The following USP54 variants were observed in gnomAD, a reference collection of about 807,000 sequenced individuals.
USP54 encodes ubiquitin carboxyl-terminal hydrolase 54.
In USP54, 87 loss-of-function variants were observed where a neutral mutation model predicts 170.5. The observed-to-expected ratio is 0.51, with a 90% CI of 0.43 to 0.61. The LOEUF (loss-of-function observed/expected upper bound fraction) is 0.61, where lower values mean the gene tolerates loss of function less well. Among genes scored for constraint, USP54 ranks in the 20% least tolerant of loss-of-function variants. The pLI, the probability that USP54 is intolerant of heterozygous loss-of-function variation, is 0.00. For missense variants in USP54, 1,786 were observed against 2,047.8 expected (o/e 0.87, Z 2.47); for synonymous variants, 655 against 742.8 (o/e 0.88, Z 1.92).
chr10:73,529,065 C>A (rs1323510583), intron 15 of USP54: 1 of 152,356 alleles, frequency 6.6e-6, no homozygotes, highest in African/African-American at 2.4e-5. Flanking sequence ...ATACAGAAAT[C>A]TTCACAAATT....
intron 1 of USP54, among the ~76,000 whole-genome samples, chr10:73,576,595 A>C (rs2076145476): frequency 1.3e-5 from 2 of 152,184 alleles, no homozygotes. Flanking sequence ...ATTCTCTGAA[A>C]TTTTCTTGAA....
intron 1 of USP54, among the ~76,000 whole-genome samples, chr10:73,603,698 A>C (rs2079384452): frequency 6.6e-6 from 1 of 151,480 alleles, no homozygotes. Flanking sequence ...CAGTGAGCCG[A>C]GATCACACCA....
At chr10:73,552,085 T>G (rs1368204624) in intron 4 of USP54, among the ~76,000 whole-genome samples, 1 of 152,186 alleles carries the variant, frequency 6.6e-6, no homozygotes, top group Non-Finnish European at 1.5e-5. Flanking sequence ...GTTAAGAGAC[T>G]GGATTCTGGA....
chr10:73,518,206 A>G (rs963919098), intron 19 of USP54: 2 of 985,318 alleles, frequency 2.0e-6, no homozygotes, highest in African/African-American at 1.7e-5. Context: ...CCTGAGAGGC[A>G]GCCCGGCCAA....
At chr10:73,595,426 G>C (rs999575679), upstream of USP54, among the ~76,000 whole-genome samples, 3 of 152,180 alleles carry the variant, frequency 2.0e-5, no homozygotes, top group African/African-American at 7.2e-5. Context: ...GAATATTGCA[G>C]AAAGGGTAGA....
intron 9 of USP54, 119 bp from the exon 10 acceptor site, chr10:73,539,712 GTT>G (rs2066162591): frequency 8.7e-7 from 1 of 1,153,068 alleles, no homozygotes; most frequent in Non-Finnish European, 1.2e-6. Context: ...CTTCCCTTCA[GTT>G]TAAGATTTTT....
intron 1 of USP54, among the ~76,000 whole-genome samples, chr10:73,583,148 C>T (rs2077082584): frequency 1.3e-5 from 2 of 152,032 alleles, no homozygotes; most frequent in South Asian, 4.2e-4. Context: ...CAAAGAAAGA[C>T]TAAGAAACTT....
At chr10:73,505,229 C>A in intron 21 of USP54, 79 bp downstream of exon 21, 2 of 1,415,334 alleles carry the variant, frequency 1.4e-6, no homozygotes, top group African/African-American at 1.4e-5. Context: ...GCCTTATCAT[C>A]ATCCCTGTCA....
chr10:73,617,585 T>C (rs956963966), intron 1 of USP54, among the ~76,000 whole-genome samples: 1 of 150,286 alleles, frequency 6.7e-6, no homozygotes, highest in Admixed American at 6.6e-5. Flanking sequence ...ATCCCAGCAC[T>C]TTGGAGGGCT....
In USP54 at chr10:73,545,677, A is replaced by C; in HGVS notation, c.241-5T>G. ...CTGAAACTGGTTAAAGATTCCCTAT[A>C]GGGAAGAGGTTAGACAAGAGAAAAA... On this transcript the variant is annotated splice_region_variant and splice_polypyrimidine_tract_variant and intron_variant, in intron 4 of 23. Transcript: ENST00000687698. 6.2e-7 allele frequency: 1 copy of C among 1,614,024 alleles called. No homozygotes were observed. Among genetic ancestry groups the C allele is most frequent in the Non-Finnish European group, 8.5e-7 (1 of 1,179,900 alleles).
intron 1 of USP54, among the ~76,000 whole-genome samples, chr10:73,596,838 C>G (rs1280194110): frequency 6.6e-6 from 1 of 151,734 alleles, no homozygotes; most frequent in Non-Finnish European, 1.5e-5. Flanking sequence ...ATTTAACAGG[C>G]CATAGAGAAG....
At chr10:73,545,795 G>T in intron 4 of USP54, 123 bp from the exon 5 acceptor site, 2 of 1,106,784 alleles carry the variant, frequency 1.8e-6, no homozygotes, top group Admixed American at 2.5e-5. Context: ...CTTCCCATGG[G>T]TTGACATGCT....
At chr10:73,598,183 C>G (rs2078882646) in intron 1 of USP54, among the ~76,000 whole-genome samples, 1 of 152,150 alleles carries the variant, frequency 6.6e-6, no homozygotes, top group African/African-American at 2.4e-5. Flanking sequence ...ATTCATGGTT[C>G]CAGGCATCCA....
At position 73,511,904 on chromosome 10, in the gene USP54, G is replaced by A. The variant is rs753235654; in HGVS notation, c.4051+4471C>T. ...ATTACAGGCACGTGCCACAATACCC[G>A]GCTAATTTTTTTTGTATTTTTAGTA... On this transcript the variant is annotated intron_variant, in intron 20 of 23. Coordinates refer to ENST00000687698, the MANE Select transcript of USP54 (RefSeq NM_001391956.1). Among the ~76,000 whole-genome samples the A allele has an allele frequency of 5.6e-4, 85 of 151,090 alleles. 3 individuals carry two copies. The highest frequency in any genetic ancestry group is 8.4e-4 in the South Asian group (4 of 4,766).
At chr10:73,546,366 T>G (rs1290795604) in intron 4 of USP54, among the ~76,000 whole-genome samples, 1 of 152,224 alleles carries the variant, frequency 6.6e-6, no homozygotes, top group African/African-American at 2.4e-5. Flanking sequence ...TGTTGTTGTT[T>G]TTTTGAACAG....
At chr10:73,584,748 G>A (rs752923567) in intron 1 of USP54, among the ~76,000 whole-genome samples, 3 of 151,976 alleles carry the variant, frequency 2.0e-5, no homozygotes, top group Admixed American at 6.6e-5. Context: ...AGAGTGAAAG[G>A]ACTTGAGACC....
chr10:73,598,688 G>T (rs1377873396), intron 1 of USP54, among the ~76,000 whole-genome samples: 1 of 151,934 alleles, frequency 6.6e-6, no homozygotes, highest in Non-Finnish European at 1.5e-5. Context: ...GAGGCGGGTG[G>T]ATCACGAGGT....
intron 1 of USP54, among the ~76,000 whole-genome samples, chr10:73,623,200 T>C (rs1365072911): frequency 2.0e-5 from 3 of 151,980 alleles, no homozygotes; most frequent in Admixed American, 6.6e-5. Context: ...TTAGGCAACA[T>C]AGCAAGACCT....
In USP54 at chr10:73,498,738, G is replaced by A. The variant is rs1356023399; in HGVS notation, c.4946C>T (p.Ser1649Phe). The A allele has an allele frequency of 6.2e-7, 1 of 1,613,856 alleles. No homozygotes were observed. The highest frequency in any genetic ancestry group is 8.5e-7 in the Non-Finnish European group (1 of 1,179,910). Residue 1649 changes from serine to phenylalanine, a missense_variant, in exon 24 of 24, where the codon TCC becomes TTC. By Grantham distance (155) the Ser-to-Phe change is radical. Transcript: ENST00000687698. ...CACTGTTCTCCTGTGTCCAGAGTGG[G>A]AGGCATAACTGCTTTGCCTCCAGTC... is the stretch of plus-strand genomic sequence containing the variant. ...DDDWRQSSYA[S>F]HSGHRRTVGE... is the part of the protein sequence containing the mutation.
Sources: allele counts gnomAD v4.1 joint callset (sites outside exome capture counted in the v4.1 genomes callset), GRCh38; gene constraint gnomAD v4.1.1; transcripts MANE v1.5; gene names NCBI Gene and HGNC (gene_info 2026-07-23, HGNC 2026-07-21).